Variants in TFEB observed in about 807,000 individuals in gnomAD.
TFEB encodes the protein transcription factor EB, also known as T-cell transcription factor EB.
Under a neutral mutation model 48.0 loss-of-function variants are expected in TFEB, and 12 were observed. That is an observed-to-expected ratio of 0.25 (90% CI 0.16 to 0.40). The LOEUF is 0.40. TFEB is among the 10% of genes least tolerant of loss of function. TFEB has a pLI of 1.00. For missense variants in TFEB, 509 were observed against 640.3 expected (o/e 0.79, Z 2.21); for synonymous variants, 244 against 261.4 (o/e 0.93, Z 0.64).
rs867926869 is a variant in TFEB, at chr6:41,691,351, C to G, written c.-22-116G>C. 2 of 1,079,248 alleles carry G rather than the reference C, an allele frequency of 1.9e-6. 1 individual carries two copies. Among genetic ancestry groups the G allele is most frequent in the South Asian group, 2.7e-5 (2 of 74,182 alleles). The allele number at this position is 1,079,248 out of a possible 1,614,324, so 66.9% of individuals were successfully genotyped here. On this transcript the variant is annotated intron_variant, in intron 1 of 8. Transcript: ENST00000373033. The surrounding 1 kb of genome is among the most constrained non-coding windows in gnomAD (Gnocchi z 5.2). ...GCATCCATTTTAGAGGAGAAGACAC[C>G]GAGCCCTGAGAGGGGAAGAGATTTG...
Position 41,735,482 on chromosome 6 carries a change from A to T in TFEB, c.-155T>A. The T allele has an allele frequency of 1.0e-6, 1 of 984,392 alleles. No homozygotes were observed. Among genetic ancestry groups the T allele is most frequent in the Non-Finnish European group, 1.2e-6 (1 of 829,614 alleles). 61.0% of individuals were successfully genotyped at this position (984,392 alleles called of 1,614,324 possible). On this transcript the variant is annotated 5_prime_UTR_variant, in exon 1 of 9. Transcript: ENST00000373033. ...CTGCTCCGGCCCCGTGCCACCAGGG[A>T]GGCCCGCCCCGTCCGCCCTTCCCGC...
chr6:41,735,366 A>G lies in TFEB; in HGVS notation c.-39T>C, dbSNP rs1200997059. The G allele has an allele frequency of 2.0e-6, 2 of 985,114 alleles. No individual in the cohort carries two copies. The highest frequency in any genetic ancestry group is 1.8e-5 in the African/African-American group (1 of 57,070). 61.0% of individuals were successfully genotyped at this position (985,114 alleles called of 1,614,324 possible). A position where few individuals can be genotyped will look rare whatever the true frequency, so the allele number is the denominator to read the frequency against. Reference sequence around the variant, plus strand: ...CCCGCTCACCTCGCTCTGAAGGTCAATCTGTCCGCCGCCCGCGCCCCGCGG... The same window carrying G: ...CCCGCTCACCTCGCTCTGAAGGTCAGTCTGTCCGCCGCCCGCGCCCCGCGG... On this transcript the variant is annotated 5_prime_UTR_variant, in exon 1 of 9. Coordinates refer to ENST00000373033, the MANE Select transcript of TFEB (RefSeq NM_001271944.2).
rs1040907315 is a variant in TFEB at position 41,730,689 on chromosome 6, T to A, written c.-23+4661A>T. Among the ~76,000 whole-genome samples, 3 of 152,192 alleles carry A rather than the reference T, an allele frequency of 2.0e-5. No homozygotes were observed. The highest frequency in any genetic ancestry group is 4.4e-5 in the Non-Finnish European group (3 of 68,028). On this transcript the variant is annotated intron_variant, in intron 1 of 8. Transcript: ENST00000373033. This position sits in a 1 kb window ranked among gnomAD's most constrained non-coding sequence, Gnocchi z 4.1. ...ATGATAAGTCCCAGATCCTACCCTA[T>A]CACTGCGATTTTATCTCTGTCCCCA...
At chr6:41,717,505 G>C (rs1336351120) in intron 1 of TFEB, among the ~76,000 whole-genome samples, 4 of 152,192 alleles carry the variant, frequency 2.6e-5, no homozygotes, top group Non-Finnish European at 4.4e-5. Context: ...ACACAACTGA[G>C]GAGAATGAGG....
chr6:41,735,584 G>C lies in TFEB; in HGVS notation c.-257C>G. ...GCTGTCACCGAGCCCCGCGCCCGGCGCCCGGGCTCCGGCTGTCACTCCACG... is the reference window on the plus strand; with the variant it reads ...GCTGTCACCGAGCCCCGCGCCCGGCCCCCGGGCTCCGGCTGTCACTCCACG... On this transcript the variant is annotated 5_prime_UTR_variant, in exon 1 of 9. Transcript: ENST00000373033. 2 of 982,460 alleles carry C rather than the reference G, an allele frequency of 2.0e-6. No individual in the cohort carries two copies. The highest frequency in any genetic ancestry group is 2.4e-6 in the Non-Finnish European group (2 of 827,516). The allele number at this position is 982,460 out of a possible 1,614,324, so 60.9% of individuals were successfully genotyped here.
At chr6:41,702,212 C>T (rs1430553851) in intron 1 of TFEB, among the ~76,000 whole-genome samples, 1 of 152,146 alleles carries the variant, frequency 6.6e-6, no homozygotes, top group East Asian at 1.9e-4. Flanking sequence ...GCTCCTCAGC[C>T]CTCCCAGACC....
intron 3 of TFEB, among the ~76,000 whole-genome samples, chr6:41,690,071 T>C (rs1397553771): frequency 6.6e-6 from 1 of 152,002 alleles, no homozygotes; most frequent in East Asian, 1.9e-4. Flanking sequence ...GCTTGGGGAG[T>C]GTGCTGGGCT....
rs909645761 is a variant in TFEB at position 41,723,771 on chromosome 6, G to A, written c.-23+11579C>T. On this transcript the variant is annotated intron_variant, in intron 1 of 8. Transcript: ENST00000373033. The surrounding 1 kb of genome is among the most constrained non-coding windows in gnomAD (Gnocchi z 6.0). ...CCGCCCGGCTCCAGGCGCCCACAGC[G>A]CTCCTTGGTCCTCCCACAGGAGGCC... The A allele has an allele frequency of 8.1e-6, 3 of 371,296 alleles. No individual in the cohort carries two copies. The highest frequency in any genetic ancestry group is 4.2e-5 in the African/African-American group (2 of 47,170). 23.0% of individuals were successfully genotyped at this position (371,296 alleles called of 1,614,324 possible). A position where few individuals can be genotyped will look rare whatever the true frequency, so the allele number is the denominator to read the frequency against.
chr6:41,691,073 C>T lies in TFEB; in HGVS notation c.141G>A (p.Gly47=), dbSNP rs1581879958. 1 of 1,571,156 alleles carries T rather than the reference C, an allele frequency of 6.4e-7. No homozygotes were observed. The highest frequency in any genetic ancestry group is 1.7e-4 in the Middle Eastern group (1 of 5,956). Residue 47 remains glycine, a synonymous_variant, in exon 2 of 9, where the codon GGG becomes GGA. Coordinates refer to ENST00000373033, the MANE Select transcript of TFEB (RefSeq NM_001271944.2). This position sits in a 1 kb window ranked among gnomAD's most constrained non-coding sequence, Gnocchi z 5.2. ...QQQQQQQQLG[G]PPTPAINTPV... ...GGGTATTGATGGCCGGGGTGGGCGGCCCTCCGAGCTGCTGCTGTTGCTGCT... is the reference window on the plus strand; with the variant it reads ...GGGTATTGATGGCCGGGGTGGGCGGTCCTCCGAGCTGCTGCTGTTGCTGCT...
At chr6:41,731,619 G>A (rs572201194) in intron 1 of TFEB, among the ~76,000 whole-genome samples, 2 of 152,016 alleles carry the variant, frequency 1.3e-5, no homozygotes, top group South Asian at 4.1e-4. Context: ...GCAGAGACCT[G>A]CCCAGCCACA....
At chr6:41,732,696 G>A in intron 1 of TFEB, 4 of 985,678 alleles carry the variant, frequency 4.1e-6, no homozygotes, top group Non-Finnish European at 4.8e-6. Flanking sequence ...CAGCCTGTGA[G>A]GTGGGTGTGT....
At chr6:41,692,380 T>C (rs1187238379) in intron 1 of TFEB, among the ~76,000 whole-genome samples, 2 of 152,218 alleles carry the variant, frequency 1.3e-5, no homozygotes, top group African/African-American at 4.8e-5. Context: ...CCTGAGCTCA[T>C]GGAGCCTACA....
rs1031661346 is a variant in TFEB at position 41,723,718 on chromosome 6, T to C, written c.-23+11632A>G. 24 of 388,380 alleles carry C rather than the reference T, an allele frequency of 6.2e-5. No homozygotes were observed. The highest frequency in any genetic ancestry group is 1.1e-4 in the Non-Finnish European group (22 of 206,180). 24.1% of individuals were successfully genotyped at this position (388,380 alleles called of 1,614,324 possible). ...GACGGCACAGTCCCACACCGCAGCCTACCCAACACAGACTGCTTCAATCTC... is the reference window on the plus strand; with the variant it reads ...GACGGCACAGTCCCACACCGCAGCCCACCCAACACAGACTGCTTCAATCTC... On this transcript the variant is annotated intron_variant, in intron 1 of 8. Transcript: ENST00000373033. The surrounding 1 kb of genome is among the most constrained non-coding windows in gnomAD (Gnocchi z 6.0).
chr6:41,725,952 A>G (rs1026088140), intron 1 of TFEB, among the ~76,000 whole-genome samples: 2 of 152,188 alleles, frequency 1.3e-5, no homozygotes, highest in Admixed American at 6.5e-5. Context: ...AAGTTGAAAT[A>G]TACATTAAAG....
At chr6:41,718,370 G>A (rs1016989003) in intron 1 of TFEB, among the ~76,000 whole-genome samples, 9 of 150,910 alleles carry the variant, frequency 6.0e-5, no homozygotes, top group Non-Finnish European at 1.2e-4. Context: ...CATCACACCC[G>A]GATAATTTTT....
chr6:41,732,509 TTG>T (rs1182548539), intron 1 of TFEB: 34 of 874,640 alleles, frequency 3.9e-5, no homozygotes, highest in Non-Finnish European at 4.4e-5. Flanking sequence ...TAATATAATC[TTG>T]TTTTATTGTT....
Position 41,710,698 on chromosome 6 carries a change from A to G in TFEB, c.-22-19463T>C, listed in dbSNP as rs73735938. Reference sequence around the variant, plus strand: ...TAGTTGGGCCTCCAAAGCATGCAGGATCCCTCTCCCTAAACAAACACTGGG... The same window carrying G: ...TAGTTGGGCCTCCAAAGCATGCAGGGTCCCTCTCCCTAAACAAACACTGGG... On this transcript the variant is annotated intron_variant, in intron 1 of 8. Coordinates refer to ENST00000373033, the MANE Select transcript of TFEB (RefSeq NM_001271944.2). Among the ~76,000 whole-genome samples, 529 of 152,238 alleles carry G rather than the reference A, an allele frequency of 3.5e-3. 1 individual carries two copies. The highest frequency in any genetic ancestry group is 0.011 in the African/African-American group (470 of 41,530).
Position 41,718,188 on chromosome 6 carries a change from T to C in TFEB, c.-23+17162A>G, listed in dbSNP as rs112950769. 3.0e-3 allele frequency among the ~76,000 whole-genome samples: 455 copies of C among 152,032 alleles called. 2 individuals carry two copies. The highest frequency in any genetic ancestry group is 0.01 in the African/African-American group (427 of 41,448). On this transcript the variant is annotated intron_variant, in intron 1 of 8. Coordinates refer to ENST00000373033, the MANE Select transcript of TFEB (RefSeq NM_001271944.2). The stretch of plus-strand genomic sequence containing the variant: ...AGAACATTTGAATTTTGGGGGTGTT[T>C]TTTTTTGTTGTTTTATTTTGTTTGT...
intron 1 of TFEB, among the ~76,000 whole-genome samples, chr6:41,696,407 G>C (rs1282362274): frequency 6.6e-6 from 1 of 152,108 alleles, no homozygotes; most frequent in Non-Finnish European, 1.5e-5. Flanking sequence ...ATAAAGAAGT[G>C]GTGGGCCAGG....
Sources: allele counts gnomAD v4.1 joint callset (sites outside exome capture counted in the v4.1 genomes callset), GRCh38; gene constraint gnomAD v4.1.1; non-coding constraint Gnocchi (gnomAD v3.1); transcripts MANE v1.5; gene names NCBI Gene and HGNC (gene_info 2026-07-23, HGNC 2026-07-21).